KCNB2: variants seen among roughly 807,000 people sequenced by gnomAD.
KCNB2 encodes delayed rectifier potassium channel protein.
Under a neutral mutation model 61.5 loss-of-function variants are expected in KCNB2, and 15 were observed. That is an observed-to-expected ratio of 0.24 (90% CI 0.16 to 0.38). The LOEUF (loss-of-function observed/expected upper bound fraction) is 0.38. Ranked by LOEUF, KCNB2 falls within the 10% of genes least tolerant of loss-of-function variation. The pLI, the probability that KCNB2 is intolerant of heterozygous loss-of-function variation, is 1.00. For synonymous variants in KCNB2, 457 were observed against 446.0 expected (o/e 1.02, Z -0.31); for missense variants, 828 against 1,125.2 (o/e 0.74, Z 3.78).
intron 2 of KCNB2, among the ~76,000 whole-genome samples, chr8:72,848,398 T>C (rs1332008951): frequency 6.6e-6 from 1 of 152,108 alleles, no homozygotes; most frequent in African/African-American, 2.4e-5. Context: ...TACTTTTTTC[T>C]TTGTTTTGTT....
At chr8:72,640,421 G>A (rs1002430631) in intron 2 of KCNB2, among the ~76,000 whole-genome samples, 1 of 151,938 alleles carries the variant, frequency 6.6e-6, no homozygotes, top group African/African-American at 2.4e-5. Flanking sequence ...GTGATCTGAT[G>A]TCAAGGCATA....
intron 2 of KCNB2, among the ~76,000 whole-genome samples, chr8:72,755,841 C>A (rs1808280578): frequency 6.6e-6 from 1 of 152,116 alleles, no homozygotes; most frequent in South Asian, 2.1e-4. Flanking sequence ...CCCACCGCAC[C>A]CAACTCCCTA....
chr8:72,791,821 TAAAGA>T (rs1049823010), intron 2 of KCNB2, among the ~76,000 whole-genome samples: 6 of 152,116 alleles, frequency 3.9e-5, no homozygotes, highest in Non-Finnish European at 5.9e-5. Context: ...CTTTGCAAAG[TAAAGA>T]AAAGAAAAGA....
At chr8:72,809,806 C>CTAT (rs1172406514) in intron 2 of KCNB2, among the ~76,000 whole-genome samples, 1 of 152,156 alleles carries the variant, frequency 6.6e-6, no homozygotes, top group Non-Finnish European at 1.5e-5. Flanking sequence ...CTATCCTGTC[C>CTAT]TCTTTTTAAA....
chr8:72,740,032 G>T (rs1413608915), intron 2 of KCNB2, among the ~76,000 whole-genome samples: 1 of 152,128 alleles, frequency 6.6e-6, no homozygotes, highest in Non-Finnish European at 1.5e-5. Context: ...ATAGCATTTT[G>T]TAAATACTCT....
chr8:72,916,378 G>T (rs1438679157), intron 2 of KCNB2, among the ~76,000 whole-genome samples: 1 of 152,130 alleles, frequency 6.6e-6, no homozygotes, highest in African/African-American at 2.4e-5. Context: ...CACTTGCTTG[G>T]TCCCGCTGTG....
intron 2 of KCNB2, among the ~76,000 whole-genome samples, chr8:72,736,256 G>T (rs535823402): frequency 2.0e-5 from 3 of 151,562 alleles, no homozygotes; most frequent in Admixed American, 2.0e-4. Context: ...ATAACCTATT[G>T]TCCCTCTATC....
intron 2 of KCNB2, chr8:72,750,708 T>C (rs1808174307): frequency 6.6e-6 from 1 of 152,188 alleles, no homozygotes; most frequent in South Asian, 2.1e-4. Context: ...CACCAGGTGC[T>C]TAAGGTTTTC....
chr8:72,662,802 A>G (rs1387318248), intron 2 of KCNB2, among the ~76,000 whole-genome samples: 2 of 152,176 alleles, frequency 1.3e-5, no homozygotes, highest in Non-Finnish European at 1.5e-5. Context: ...CACTCATTTT[A>G]CATTTAAAAA....
At chr8:72,755,488 A>G (rs1460164000) in intron 2 of KCNB2, among the ~76,000 whole-genome samples, 1 of 152,254 alleles carries the variant, frequency 6.6e-6, no homozygotes, top group South Asian at 2.1e-4. Context: ...GTTCTAAAAA[A>G]TAAAGTTTAT....
intron 2 of KCNB2, among the ~76,000 whole-genome samples, chr8:72,676,380 G>A (rs1360388862): frequency 2.6e-5 from 4 of 151,812 alleles, no homozygotes; most frequent in African/African-American, 9.7e-5. Flanking sequence ...TCTCCCAAAA[G>A]CATCGTGGAA....
intron 2 of KCNB2, among the ~76,000 whole-genome samples, chr8:72,770,525 T>C (rs1455621008): frequency 6.6e-6 from 1 of 152,182 alleles, no homozygotes; most frequent in Non-Finnish European, 1.5e-5. Context: ...AGCATAGCAG[T>C]GAAGTATTGG....
intron 2 of KCNB2, among the ~76,000 whole-genome samples, chr8:72,759,742 C>A (rs1005445245): frequency 2.1e-4 from 32 of 152,236 alleles, no homozygotes; most frequent in African/African-American, 6.7e-4. Flanking sequence ...TCAGTCTGCC[C>A]CAGTTCTGAA....
At chr8:72,588,218 CTTTT>C (rs34803136) in intron 2 of KCNB2, among the ~76,000 whole-genome samples, 1 of 132,836 alleles carries the variant, frequency 7.5e-6, no homozygotes, top group African/African-American at 2.8e-5. Flanking sequence ...GGTTTCTTTT[CTTTT>C]TTTTTTTTTT....
chr8:72,759,135 A>G (rs369986123), intron 2 of KCNB2, among the ~76,000 whole-genome samples: 1 of 152,200 alleles, frequency 6.6e-6, no homozygotes, highest in South Asian at 2.1e-4. Flanking sequence ...TCTTGTTTTA[A>G]AAAGAACCTT....
At chr8:72,614,939 G>A (rs1202252597) in intron 2 of KCNB2, among the ~76,000 whole-genome samples, 1 of 152,060 alleles carries the variant, frequency 6.6e-6, no homozygotes, top group African/African-American at 2.4e-5. Flanking sequence ...AACAAGCAGA[G>A]GCTATGTATT....
At chr8:72,812,552 G>A (rs2129000517) in intron 2 of KCNB2, among the ~76,000 whole-genome samples, 1 of 152,010 alleles carries the variant, frequency 6.6e-6, no homozygotes, top group African/African-American at 2.4e-5. Flanking sequence ...ATTACATCAA[G>A]GAAATATTTA....
intron 2 of KCNB2, among the ~76,000 whole-genome samples, chr8:72,574,042 C>G (rs750319632): frequency 6.6e-6 from 1 of 152,200 alleles, no homozygotes; most frequent in Non-Finnish European, 1.5e-5. Flanking sequence ...AGAGGTTTAG[C>G]TTGAAGATTT....
chr8:72,928,465 G>A (rs1334133825), intron 2 of KCNB2, among the ~76,000 whole-genome samples: 2 of 151,888 alleles, frequency 1.3e-5, no homozygotes, highest in South Asian at 2.1e-4. Flanking sequence ...CAAAGTGCTG[G>A]GGTTACAGGC....
Sources: gnomAD v4.1 joint callset for allele counts (sites outside exome capture counted in the v4.1 genomes callset) on GRCh38, gnomAD v4.1.1 for gene constraint, MANE v1.5 for transcripts, NCBI Gene and HGNC (gene_info 2026-07-23, HGNC 2026-07-21) for gene names.